Variants in C12orf42 observed in about 807,000 individuals in gnomAD.
The protein encoded by C12orf42 is chromosome 12 open reading frame 42, also known as uncharacterized protein C12orf42.
C12orf42 carries 25 observed loss-of-function variants against 21.6 expected under a neutral mutation model. The ratio of observed to expected loss-of-function variants is 1.16; its 90% confidence interval spans 0.84 to 1.62. The LOEUF is 1.62. C12orf42 is among the 40% of genes most tolerant of loss of function. C12orf42 has a pLI of 0.00. For missense variants in C12orf42, 483 were observed against 459.3 expected, an observed-to-expected ratio of 1.05 and a Z score of -0.47; for synonymous variants, 174 against 175.0, an observed-to-expected ratio of 0.99 and a Z score of 0.05.
chr12:103,528,802 C>T, the C12orf42 span, among the ~76,000 whole-genome samples: 1 of 152,212 alleles, frequency 6.6e-6, no homozygotes, highest in Non-Finnish European at 1.5e-5. Context: ...AATGAAGACA[C>T]CAACTTTGTG....
chr12:103,127,605 T>C, the C12orf42 span, among the ~76,000 whole-genome samples: 1 of 152,134 alleles, frequency 6.6e-6, no homozygotes, highest in Non-Finnish European at 1.5e-5. Flanking sequence ...CTTCAATCAG[T>C]GGACATTAGG....
chr12:103,525,755 C>A, the C12orf42 span, among the ~76,000 whole-genome samples: 2 of 152,218 alleles, frequency 1.3e-5, no homozygotes, highest in South Asian at 4.2e-4. Flanking sequence ...CCAGGCCAGG[C>A]GCGGTGGCTC....
chr12:103,482,971 G>A (rs765411418), intron 1 of C12orf42, among the ~76,000 whole-genome samples: 10 of 151,846 alleles, frequency 6.6e-5, no homozygotes, highest in African/African-American at 2.4e-4. Context: ...TTTACTTTAT[G>A]CATCTGTTTC....
chr12:103,198,479 C>T, the C12orf42 span, among the ~76,000 whole-genome samples: 16 of 152,316 alleles, frequency 1.1e-4, no homozygotes, highest in East Asian at 2.7e-3. Context: ...CACCAAAGGC[C>T]AAAGCCACCT....
intron 3 of C12orf42, among the ~76,000 whole-genome samples, chr12:103,396,963 T>A (rs2138593644): frequency 6.6e-6 from 1 of 152,308 alleles, no homozygotes; most frequent in Non-Finnish European, 1.5e-5. Context: ...ATTACTAAGC[T>A]CTTCAATCCA....
the C12orf42 span, among the ~76,000 whole-genome samples, chr12:103,215,243 C>A: frequency 3.5e-3 from 535 of 152,002 alleles, 2 homozygotes; most frequent in Non-Finnish European, 5.6e-3. Context: ...AACACTAACT[C>A]TGACACTGAT....
chr12:103,555,277 G>C, the C12orf42 span, among the ~76,000 whole-genome samples: 2 of 152,164 alleles, frequency 1.3e-5, no homozygotes, highest in African/African-American at 4.8e-5. Context: ...AAGGCAAGAA[G>C]GAGCAAGTCA....
chr12:103,552,977 T>TG, the C12orf42 span, among the ~76,000 whole-genome samples: 1 of 152,190 alleles, frequency 6.6e-6, no homozygotes, highest in Non-Finnish European at 1.5e-5. Context: ...GAGAACAGCA[T>TG]GGGGGAAACC....
intron 1 of C12orf42, among the ~76,000 whole-genome samples, chr12:103,482,239 G>A (rs1182200971): frequency 3.9e-5 from 6 of 152,048 alleles, no homozygotes; most frequent in Non-Finnish European, 1.5e-5. Context: ...CCTTTAGTGA[G>A]GGTCTACTGG....
intron 3 of C12orf42, among the ~76,000 whole-genome samples, chr12:103,399,367 GTTTA>G (rs201492633): frequency 2.0e-3 from 310 of 151,226 alleles, no homozygotes; most frequent in African/African-American, 7.1e-3. Context: ...TGTTGTTGTT[GTTTA>G]TTTGTTTGTT....
At chr12:103,220,318 C>A in the C12orf42 span, among the ~76,000 whole-genome samples, 1 of 152,152 alleles carries the variant, frequency 6.6e-6, no homozygotes, top group South Asian at 2.1e-4. Flanking sequence ...ATGGGTGCAG[C>A]AAACCACCAT....
chr12:103,146,109 A>G, the C12orf42 span, among the ~76,000 whole-genome samples: 1 of 152,128 alleles, frequency 6.6e-6, no homozygotes, highest in South Asian at 2.1e-4. Context: ...TATGTAATAC[A>G]TACTACAATA....
At chr12:103,280,345 C>T (rs185296799) in intron 4 of C12orf42, among the ~76,000 whole-genome samples, 8 of 152,192 alleles carry the variant, frequency 5.3e-5, no homozygotes, top group South Asian at 2.1e-4. Context: ...GGGCCGGGTG[C>T]GGTGGTTCAT....
At chr12:103,167,879 C>CGTGTGTGTGTGTGTGTGTGT in the C12orf42 span, among the ~76,000 whole-genome samples, 1 of 134,102 alleles carries the variant, frequency 7.5e-6, no homozygotes, top group African/African-American at 3.0e-5. Context: ...GAGGGGTGGG[C>CGTGTGTGTGTGTGTGTGTGT]GTGTGTGTGT....
chr12:103,293,705 C>T (rs376131159), intron 4 of C12orf42, among the ~76,000 whole-genome samples: 2 of 152,080 alleles, frequency 1.3e-5, no homozygotes, highest in Non-Finnish European at 2.9e-5. Flanking sequence ...GCATAAATCA[C>T]GTGTTGTTTA....
the C12orf42 span, among the ~76,000 whole-genome samples, chr12:103,097,648 G>A: frequency 3.3e-5 from 5 of 152,146 alleles, no homozygotes; most frequent in Middle Eastern, 3.2e-3. Flanking sequence ...ACTGGAAAAT[G>A]TCTCAACCAA....
At chr12:103,528,460 G>A in the C12orf42 span, among the ~76,000 whole-genome samples, 15 of 152,278 alleles carry the variant, frequency 9.9e-5, no homozygotes, top group South Asian at 1.7e-3. Context: ...CTATTGGGAG[G>A]ATTTTGGTCA....
intron 2 of C12orf42, 127 bp from the exon 3 acceptor site, chr12:103,401,802 T>C (rs953242671): frequency 3.6e-6 from 3 of 841,668 alleles, no homozygotes; most frequent in African/African-American, 1.7e-5. Context: ...GTTCATTCAC[T>C]GAGTACCCGA....
chr12:103,453,572 C>G (rs1273792193), intron 2 of C12orf42, among the ~76,000 whole-genome samples: 1 of 151,908 alleles, frequency 6.6e-6, no homozygotes, highest in African/African-American at 2.4e-5. Flanking sequence ...TTAATTTCTG[C>G]TCTTATCTTT....
Sources: gnomAD v4.1 joint callset for allele counts (sites outside exome capture counted in the v4.1 genomes callset) on GRCh38, gnomAD v4.1.1 for gene constraint, MANE v1.5 for transcripts, NCBI Gene and HGNC (gene_info 2026-07-23, HGNC 2026-07-21) for gene names.